The following HGSNAT variants were observed in gnomAD, a reference collection of about 807,000 sequenced individuals.
The protein encoded by HGSNAT is transmembrane protein 76.
Under a neutral mutation model 85.2 loss-of-function variants are expected in HGSNAT, and 59 were observed. That is an observed-to-expected ratio of 0.69 (90% CI 0.56 to 0.86). The LOEUF (loss-of-function observed/expected upper bound fraction) is 0.86, where lower values mean the gene tolerates loss of function less well. Among genes scored for constraint, HGSNAT ranks in the 40% least tolerant of loss-of-function variants. The probability of loss-of-function intolerance (pLI) is 0.00; values close to 1 mark genes in which losing one functional copy is unlikely to be tolerated. For synonymous variants in HGSNAT, 321 were observed against 304.5 expected (o/e 1.05, Z -0.56); for missense variants, 756 against 777.1 (o/e 0.97, Z 0.32).
chr8:43,170,107 C>T (rs531082304), intron 6 of HGSNAT, among the ~76,000 whole-genome samples: 43 of 152,312 alleles, frequency 2.8e-4, no homozygotes, highest in African/African-American at 1.0e-3. Flanking sequence ...AGGTGTGAGC[C>T]ACTGTGCCTA....
chr8:43,194,126 A>G (rs995473214), intron 14 of HGSNAT: 1 of 1,181,888 alleles, frequency 8.5e-7, no homozygotes, highest in Non-Finnish European at 1.1e-6. Context: ...GCCAAGCTGC[A>G]GTGGCTCATG....
intron 2 of HGSNAT, among the ~76,000 whole-genome samples, chr8:43,152,709 G>A (rs1057179316): frequency 2.0e-5 from 3 of 151,962 alleles, no homozygotes; most frequent in Non-Finnish European, 2.9e-5. Context: ...CTCCTGCCTC[G>A]GCCTCCCAAA....
At chr8:43,186,050 T>C (rs918554152) in intron 11 of HGSNAT, among the ~76,000 whole-genome samples, 2 of 152,240 alleles carry the variant, frequency 1.3e-5, no homozygotes, top group African/African-American at 4.8e-5. Flanking sequence ...CAGTATTTTA[T>C]TGAGGATTTT....
intron 15 of HGSNAT, 112 bp from the exon 16 acceptor site, chr8:43,197,560 A>C (rs1030005246): frequency 2.6e-6 from 2 of 771,554 alleles, no homozygotes; most frequent in Non-Finnish European, 4.4e-6. Context: ...TATAAGGCAC[A>C]AGTTTCAGCC....
intron 6 of HGSNAT, among the ~76,000 whole-genome samples, chr8:43,169,954 G>T (rs1403991670): frequency 3.3e-5 from 5 of 152,028 alleles, no homozygotes; most frequent in African/African-American, 1.2e-4. Flanking sequence ...CCAAGTAGCT[G>T]GGACTACAGG....
intron 11 of HGSNAT, among the ~76,000 whole-genome samples, chr8:43,188,038 A>T (rs1348681211): frequency 1.3e-5 from 2 of 152,034 alleles, no homozygotes; most frequent in Non-Finnish European, 2.9e-5. Flanking sequence ...ACTTCCCTTT[A>T]TGGGTAACCT....
chr8:43,197,138 G>T (rs1478390684), intron 15 of HGSNAT, 113 bp downstream of exon 15: 2 of 708,782 alleles, frequency 2.8e-6, no homozygotes, highest in Admixed American at 4.4e-5. Context: ...ATGGCAGCAG[G>T]TACCATTTTC....
At chr8:43,150,098 A>G (rs1802853210) in intron 2 of HGSNAT, among the ~76,000 whole-genome samples, 1 of 151,946 alleles carries the variant, frequency 6.6e-6, no homozygotes, top group Admixed American at 6.6e-5. Flanking sequence ...TTGGGACTAC[A>G]GGCGCCCGCC....
At chr8:43,175,019 A>G (rs1376659116) in intron 9 of HGSNAT, among the ~76,000 whole-genome samples, 1 of 152,242 alleles carries the variant, frequency 6.6e-6, no homozygotes, top group African/African-American at 2.4e-5. Flanking sequence ...TTCACTTAAC[A>G]TAATGTCCTC....
In HGSNAT at chr8:43,173,732, C is replaced by T. The variant is rs1000820440; in HGVS notation, c.840C>T (p.Leu280=). ...ASWNGLTVAD[L]VFPWFVFIMG... is the part of the protein sequence containing the mutation. ...CTGCAGGGCTGACAGTGGCTGACCT[C>T]GTGTTCCCGTGGTGAGTTGCCGGTC... Residue 280 remains leucine, a synonymous_variant, in exon 9 of 18, where the codon CTC becomes CTT. Transcript: ENST00000379644. 2.4e-5 allele frequency: 39 copies of T among 1,612,748 alleles called. No individual in the cohort carries two copies. The highest frequency in any genetic ancestry group is 6.7e-5 in the African/African-American group (5 of 74,878).
chr8:43,199,281 G>T, intron 17 of HGSNAT, 107 bp from the exon 18 acceptor site: 2 of 747,558 alleles, frequency 2.7e-6, no homozygotes, highest in Non-Finnish European at 4.3e-6. Flanking sequence ...AACAATGGAA[G>T]TGCACACTTT....
chr8:43,178,323 T>A (rs1803887239), intron 10 of HGSNAT, 89 bp downstream of exon 10: 1 of 929,022 alleles, frequency 1.1e-6, no homozygotes, highest in African/African-American at 1.7e-5. Flanking sequence ...TTCCTCCATC[T>A]CAGGTGCCTG....
intron 13 of HGSNAT, among the ~76,000 whole-genome samples, chr8:43,192,677 A>T (rs1023400732): frequency 1.2e-4 from 18 of 151,778 alleles, no homozygotes; most frequent in African/African-American, 4.4e-4. Context: ...ATTCCCAGCT[A>T]CTCGGGAGGC....
intron 2 of HGSNAT, among the ~76,000 whole-genome samples, chr8:43,149,314 A>G (rs1217208765): frequency 5.3e-5 from 8 of 152,156 alleles, no homozygotes; most frequent in Non-Finnish European, 8.8e-5. Flanking sequence ...TTACCCTGGA[A>G]ACTGGAAAGA....
intron 5 of HGSNAT, among the ~76,000 whole-genome samples, chr8:43,168,384 C>CTTTTTTTTTTTTTT (rs34270087): frequency 7.1e-5 from 5 of 70,224 alleles, no homozygotes; most frequent in Non-Finnish European, 1.2e-4. Flanking sequence ...AATAGTTGAT[C>CTTTTTTTTTTTTTT]TTTTTTTTTT....
At position 43,178,286 on chromosome 8, in the gene HGSNAT, A is replaced by G. The variant is rs185002018; in HGVS notation, c.1012+52A>G. On this transcript the variant is annotated intron_variant, in intron 10 of 17. Coordinates refer to ENST00000379644, the MANE Select transcript of HGSNAT (RefSeq NM_152419.3). Reference sequence around the variant, plus strand: ...ATATTCAGGTTGAAATATGGAAACTATATGTTGTAATTTGAGAGAAATGCA... The same window carrying G: ...ATATTCAGGTTGAAATATGGAAACTGTATGTTGTAATTTGAGAGAAATGCA... The G allele has an allele frequency of 1.6e-3, 2,109 of 1,313,816 alleles. 3 individuals carry two copies. The highest frequency in any genetic ancestry group is 1.7e-3 in the Non-Finnish European group (1,687 of 982,298). 81.4% of individuals were successfully genotyped at this position (1,313,816 alleles called of 1,614,324 possible).
chr8:43,195,056 T>C (rs1804660892), intron 14 of HGSNAT, among the ~76,000 whole-genome samples: 2 of 152,268 alleles, frequency 1.3e-5, no homozygotes, highest in East Asian at 1.9e-4. Flanking sequence ...GGAGTGTGAC[T>C]GAGGAACTGA....
In HGSNAT at chr8:43,147,073, A is replaced by T. The variant is rs1802742419; in HGVS notation, c.234+10A>T. ...TGAATGCTGTTATCACGTATGTATC[A>T]GTTCACACTCAGTTCTGTTTGCTTT... On this transcript the variant is annotated intron_variant, in intron 2 of 17. Coordinates refer to ENST00000379644, the MANE Select transcript of HGSNAT (RefSeq NM_152419.3). 2 of 1,491,560 alleles carry T rather than the reference A, an allele frequency of 1.3e-6. No homozygotes were observed. The highest frequency in any genetic ancestry group is 1.8e-5 in the Admixed American group (1 of 55,720). 92.4% of individuals were successfully genotyped at this position (1,491,560 alleles called of 1,614,324 possible). A position where few individuals can be genotyped will look rare whatever the true frequency, so the allele number is the denominator to read the frequency against.
At chr8:43,147,708 T>G (rs188676051) in intron 2 of HGSNAT, among the ~76,000 whole-genome samples, 1 of 152,114 alleles carries the variant, frequency 6.6e-6, no homozygotes, top group Non-Finnish European at 1.5e-5. Context: ...TGGGTACTTA[T>G]GAACATAAAG....
Sources: gnomAD v4.1 joint callset for allele counts (sites outside exome capture counted in the v4.1 genomes callset) on GRCh38, gnomAD v4.1.1 for gene constraint, MANE v1.5 for transcripts, NCBI Gene and HGNC (gene_info 2026-07-23, HGNC 2026-07-21) for gene names.